Variants in RBFOX1 observed in about 807,000 individuals in gnomAD.
The protein encoded by RBFOX1 is RNA binding protein fox-1 homolog 1.
A neutral mutation model predicts 57.7 loss-of-function variants in RBFOX1; 8 were observed. That is an observed-to-expected ratio of 0.14 (90% CI 0.08 to 0.25). RBFOX1 has a LOEUF of 0.25. RBFOX1 is among the 10% of genes least tolerant of loss of function. RBFOX1 has a pLI of 1.00. For missense variants in RBFOX1, 611 were observed against 548.5 expected (o/e 1.11, Z -1.14); for synonymous variants, 326 against 222.4 (o/e 1.47, Z -4.15).
chr16:7,696,131 T>G (rs1196401751), intron 14 of RBFOX1, among the ~76,000 whole-genome samples: 1 of 152,220 alleles, frequency 6.6e-6, no homozygotes, highest in African/African-American at 2.4e-5. Context: ...CATTTTTCAT[T>G]AACATTTGTG....
intron 1 of RBFOX1, among the ~76,000 whole-genome samples, chr16:6,198,864 G>C (rs1193228472): frequency 6.6e-6 from 1 of 151,930 alleles, no homozygotes; most frequent in East Asian, 1.9e-4. Context: ...ATGAGCTCTA[G>C]AAAAAGGAAA....
rs374906293 is a variant in RBFOX1 at position 6,243,288 on chromosome 16, C to G, written c.-126-73707C>G. Among the ~76,000 whole-genome samples, 45 of 152,136 alleles carry G rather than the reference C, an allele frequency of 3.0e-4. 1 individual carries two copies. Among genetic ancestry groups the G allele is most frequent in the African/African-American group, 1.0e-3 (43 of 41,536 alleles). The stretch of plus-strand genomic sequence containing the variant: ...TTCACATCTTTGAAGAGATTTTGTT[C>G]TTTGTACTTTCAAAGAATTTTAGTT... On this transcript the variant is annotated intron_variant, in intron 1 of 15. Coordinates refer to ENST00000550418, the MANE Select transcript of RBFOX1 (RefSeq NM_018723.4).
intron 4 of RBFOX1, among the ~76,000 whole-genome samples, chr16:7,072,275 A>G (rs2057484157): frequency 6.6e-6 from 1 of 152,206 alleles, no homozygotes; most frequent in Non-Finnish European, 1.5e-5. Context: ...AAAGAGCTTA[A>G]TTAATGCTAC....
At chr16:7,395,598 C>A (rs1323886117) in intron 4 of RBFOX1, among the ~76,000 whole-genome samples, 1 of 152,108 alleles carries the variant, frequency 6.6e-6, no homozygotes, top group African/African-American at 2.4e-5. Context: ...AAGCTTATTA[C>A]CTTTGTTGTG....
At chr16:7,016,633 G>T (rs2093929662) in intron 3 of RBFOX1, among the ~76,000 whole-genome samples, 1 of 152,202 alleles carries the variant, frequency 6.6e-6, no homozygotes, top group African/African-American at 2.4e-5. Context: ...TGTGGAAACA[G>T]GCGTGATACA....
At position 5,978,273 on chromosome 16, in the gene RBFOX1, C is replaced by CACT. The variant is rs2060107042; in HGVS notation, c.351+110939_351+110941dup. Among the ~76,000 whole-genome samples, 3 of 151,592 alleles carry CACT rather than the reference C, an allele frequency of 2.0e-5. No individual in the cohort carries two copies. In the South Asian group the frequency reaches 6.3e-4, roughly 32 times the overall value. ...AGGCTGCAGTGAGCTATGATCACAC[C>CACT]ACTGCACTCCAGCCTGGGTGACAGA... On this transcript the variant is annotated intron_variant, in intron 4 of 19. Coordinates refer to the RBFOX1 transcript ENST00000641259.
At chr16:7,554,675 T>G (rs771052420) in intron 5 of RBFOX1, among the ~76,000 whole-genome samples, 11 of 152,140 alleles carry the variant, frequency 7.2e-5, no homozygotes, top group Non-Finnish European at 1.2e-4. Context: ...TTTTTTATTT[T>G]TAAGCACCCT....
intron 12 of RBFOX1, among the ~76,000 whole-genome samples, chr16:7,658,510 A>G (rs1244246467): frequency 6.6e-6 from 1 of 152,058 alleles, no homozygotes; most frequent in Non-Finnish European, 1.5e-5. Flanking sequence ...GGAATTACCC[A>G]TCAGGTAATT....
intron 3 of RBFOX1, among the ~76,000 whole-genome samples, chr16:5,693,397 ACT>A (rs1316327240): frequency 6.6e-6 from 1 of 151,918 alleles, no homozygotes; most frequent in Non-Finnish European, 1.5e-5. Context: ...AATATCTGAA[ACT>A]CTGAATCAAA....
At position 6,904,599 on chromosome 16, in the gene RBFOX1, TAAAAAAAAAAAAAAAA is replaced by T. The variant is rs71147623; in HGVS notation, c.-15-147444_-15-147429del. 1.4e-4 allele frequency among the ~76,000 whole-genome samples: 9 copies of T among 64,034 alleles called. 2 individuals carry two copies. The South Asian group carries it at 3.0e-3, about 21-fold the overall frequency. 42.0% of individuals were successfully genotyped at this position (64,034 alleles called of 152,430 possible). A position where few individuals can be genotyped will look rare whatever the true frequency, so the allele number is the denominator to read the frequency against. ...CTGGGTGACAGAGTGAGACTCTCTC[TAAAAAAAAAAAAAAAA>T]AAAAAAAAAAAAAGAAGAAGAAGAA... On this transcript the variant is annotated intron_variant, in intron 3 of 15. Transcript: ENST00000550418.
rs1285309849 is a variant in RBFOX1 at position 5,634,180 on chromosome 16, ATTAACATT to A, written c.318+35222_318+35229del. 3.9e-5 allele frequency among the ~76,000 whole-genome samples: 6 copies of A among 152,346 alleles called. No homozygotes were observed. The South Asian group carries it at 1.0e-3, about 26-fold the overall frequency. ...CAGACTTGTGTACATCAGTTGGCAAATTAACATTTTGGGTATTGCAAATTTGATATACC... is the reference window on the plus strand; with the variant it reads ...CAGACTTGTGTACATCAGTTGGCAAATTGGGTATTGCAAATTTGATATACC... On this transcript the variant is annotated intron_variant, in intron 3 of 19. Coordinates refer to the RBFOX1 transcript ENST00000641259.
intron 4 of RBFOX1, among the ~76,000 whole-genome samples, chr16:7,143,928 A>G (rs1213042884): frequency 6.6e-6 from 1 of 152,314 alleles, no homozygotes; most frequent in African/African-American, 2.4e-5. Flanking sequence ...ATTCACAGAC[A>G]ATGGAATAAT....
chr16:6,771,117 GAC>G (rs2078218922), intron 3 of RBFOX1, among the ~76,000 whole-genome samples: 1 of 152,030 alleles, frequency 6.6e-6, no homozygotes, highest in South Asian at 2.1e-4. Flanking sequence ...TCAGAACCCA[GAC>G]ACACAGAGAG....
chr16:6,454,271 T>G (rs189130134), intron 2 of RBFOX1, among the ~76,000 whole-genome samples: 4 of 152,298 alleles, frequency 2.6e-5, no homozygotes, highest in Admixed American at 2.6e-4. Flanking sequence ...TAGAAAATTT[T>G]TATAATTACA....
intron 3 of RBFOX1, among the ~76,000 whole-genome samples, chr16:6,846,967 G>A (rs187817894): frequency 3.3e-5 from 5 of 152,180 alleles, no homozygotes; most frequent in East Asian, 3.9e-4. Context: ...GTCTTTGGGG[G>A]CAAAGTGATT....
intron 4 of RBFOX1, among the ~76,000 whole-genome samples, chr16:7,081,122 C>T (rs1240003640): frequency 6.6e-6 from 1 of 152,196 alleles, no homozygotes; most frequent in Non-Finnish European, 1.5e-5. Context: ...GCAACCTCCA[C>T]CTCCCAGGTT....
intron 4 of RBFOX1, among the ~76,000 whole-genome samples, chr16:7,432,303 T>C (rs2098688384): frequency 6.6e-6 from 1 of 152,180 alleles, no homozygotes. Context: ...TTTGGTAAAA[T>C]TCTCTGCACA....
At chr16:6,813,604 A>C (rs2089317015) in intron 3 of RBFOX1, among the ~76,000 whole-genome samples, 1 of 152,172 alleles carries the variant, frequency 6.6e-6, no homozygotes, top group Non-Finnish European at 1.5e-5. Context: ...CTCTCTCCAC[A>C]GGTGGCTCAA....
intron 3 of RBFOX1, among the ~76,000 whole-genome samples, chr16:5,827,466 C>T (rs936688241): frequency 6.6e-6 from 1 of 151,202 alleles, no homozygotes; most frequent in African/African-American, 2.4e-5. Context: ...TACTTCTACA[C>T]AGTAGTTGAA....
Sources: gnomAD v4.1 joint callset for allele counts (sites outside exome capture counted in the v4.1 genomes callset) on GRCh38, gnomAD v4.1.1 for gene constraint, MANE v1.5 for transcripts, NCBI Gene and HGNC (gene_info 2026-07-23, HGNC 2026-07-21) for gene names.